The following SENP2 variants were observed in gnomAD, a reference collection of about 807,000 sequenced individuals.
SENP2 encodes the protein sentrin-specific protease 2.
In SENP2, 16 loss-of-function variants were observed where a neutral mutation model predicts 86.3. The observed-to-expected ratio is 0.19, with a 90% CI of 0.13 to 0.28. The LOEUF (loss-of-function observed/expected upper bound fraction) is 0.28. Among genes scored for constraint, SENP2 ranks in the 10% least tolerant of loss-of-function variants. SENP2 has a pLI of 1.00. For synonymous variants in SENP2, 222 were observed against 238.7 expected, an observed-to-expected ratio of 0.93 and a Z score of 0.64; for missense variants, 552 against 703.0, an observed-to-expected ratio of 0.79 and a Z score of 2.43.
chr3:185,616,266 T>C (rs1451684881), intron 11 of SENP2, among the ~76,000 whole-genome samples: 1 of 119,346 alleles, frequency 8.4e-6, no homozygotes, highest in African/African-American at 3.1e-5. Context: ...AAGTCAGGAG[T>C]TCGAGACCAG....
At chr3:185,610,883 G>C (rs9714159) in intron 7 of SENP2, among the ~76,000 whole-genome samples, 6 of 152,124 alleles carry the variant, frequency 3.9e-5, no homozygotes, top group Admixed American at 3.3e-4. Flanking sequence ...GCGTGAACCC[G>C]GGAGGCGGAG....
At chr3:185,621,723 A>C in intron 13 of SENP2, 103 bp from the exon 14 acceptor site, 1 of 639,152 alleles carries the variant, frequency 1.6e-6, no homozygotes, top group Non-Finnish European at 2.7e-6. Flanking sequence ...AAAAATTTAT[A>C]TTGGTACATG....
chr3:185,619,168 T>C (rs1465725252), intron 12 of SENP2, 131 bp from the exon 13 acceptor site: 9 of 668,900 alleles, frequency 1.3e-5, no homozygotes, highest in Non-Finnish European at 2.1e-5. Context: ...TTTCCCTGTC[T>C]TCTACTATAG....
chr3:185,601,041 CTTTTT>C lies in SENP2; in HGVS notation c.449+202_449+206del, dbSNP rs11315344. 6.0e-4 allele frequency among the ~76,000 whole-genome samples: 45 copies of C among 75,522 alleles called. No homozygotes were observed. In the East Asian group the frequency reaches 9.2e-3, roughly 15 times the overall value. 49.5% of individuals were successfully genotyped at this position (75,522 alleles called of 152,430 possible). A position where few individuals can be genotyped will look rare whatever the true frequency, so the allele number is the denominator to read the frequency against. Reference sequence around the variant, plus strand: ...GGTGTGTTATATTTTCTTTTCTTGTCTTTTTTTTTTTTTTTTTTTTGCGATGGAGT... The same window carrying C: ...GGTGTGTTATATTTTCTTTTCTTGTCTTTTTTTTTTTTTTTGCGATGGAGT... On this transcript the variant is annotated intron_variant, in intron 5 of 16. Transcript: ENST00000296257.
chr3:185,629,754 C>T lies in SENP2; in HGVS notation c.1708-28C>T, dbSNP rs201366840. On this transcript the variant is annotated intron_variant, in intron 16 of 16. Transcript: ENST00000296257. ...CTGCCATGCACATTAATATGTAATG[C>T]GGGCGTTGTTTATGGGGTTCTTTGC... 1.8e-4 allele frequency: 289 copies of T among 1,610,244 alleles called. 1 individual carries two copies. The highest frequency in any genetic ancestry group is 1.5e-3 in the African/African-American group (116 of 74,958).
chr3:185,608,533 A>G (rs1392891267), intron 6 of SENP2, among the ~76,000 whole-genome samples: 1 of 152,038 alleles, frequency 6.6e-6, no homozygotes, highest in East Asian at 1.9e-4. Context: ...CCACAAGAAA[A>G]CCTCTCCTGG....
intron 11 of SENP2, among the ~76,000 whole-genome samples, 157 bp from the exon 12 acceptor site, chr3:185,617,323 T>C (rs1474352062): frequency 6.6e-6 from 1 of 151,954 alleles, no homozygotes; most frequent in African/African-American, 2.4e-5. Flanking sequence ...AAGAAAAAAA[T>C]GTTTTCCTAC....
intron 12 of SENP2, among the ~76,000 whole-genome samples, chr3:185,618,970 A>T (rs1200271151): frequency 6.6e-6 from 1 of 152,260 alleles, no homozygotes; most frequent in Non-Finnish European, 1.5e-5. Flanking sequence ...TCTAATTTAT[A>T]TGTAGTAAAA....
intron 11 of SENP2, among the ~76,000 whole-genome samples, chr3:185,615,563 C>G (rs546572095): frequency 6.6e-6 from 1 of 151,988 alleles, no homozygotes; most frequent in African/African-American, 2.4e-5. Context: ...AGGCTGGTCT[C>G]GAACTCCTGA....
At position 185,586,393 on chromosome 3, in the gene SENP2, C is replaced by T; in HGVS notation, c.-21C>T. 1 of 1,613,302 alleles carries T rather than the reference C, an allele frequency of 6.2e-7. No homozygotes were observed. Among genetic ancestry groups the T allele is most frequent in the African/African-American group, 1.3e-5 (1 of 75,058 alleles). ...TTTGCGTCTCGGGGTGTGTCGGCCG[C>T]CGCTGCTGCTTGGGCCTGGTATGTA... On this transcript the variant is annotated 5_prime_UTR_variant, in exon 1 of 17. Transcript: ENST00000296257. This position sits in a 1 kb window ranked among gnomAD's most constrained non-coding sequence, Gnocchi z 4.3.
chr3:185,626,227 A>G, intron 15 of SENP2, 71 bp from the exon 16 acceptor site: 2 of 1,011,296 alleles, frequency 2.0e-6, no homozygotes, highest in South Asian at 1.4e-5. Flanking sequence ...CAATATTTAG[A>G]AAAAGTCCAA....
At chr3:185,617,457 A>T (rs2148992305) in intron 11 of SENP2, 23 bp from the exon 12 acceptor site, 1 of 1,580,854 alleles carries the variant, frequency 6.3e-7, no homozygotes, top group East Asian at 2.3e-5. Flanking sequence ...TTAAAATAGC[A>T]ACTTCTGAAC....
intron 2 of SENP2, among the ~76,000 whole-genome samples, chr3:185,592,785 T>G: frequency 6.6e-6 from 1 of 152,108 alleles, no homozygotes; most frequent in Non-Finnish European, 1.5e-5. Flanking sequence ...CCCGGCTAAT[T>G]TTTGTATTTT....
At chr3:185,625,175 A>G (rs887496877) in intron 15 of SENP2, among the ~76,000 whole-genome samples, 9 of 150,732 alleles carry the variant, frequency 6.0e-5, no homozygotes, top group Non-Finnish European at 7.4e-5. Flanking sequence ...GCAGTGGCGC[A>G]ATCTTGGCTC....
intron 2 of SENP2, 164 bp from the exon 3 acceptor site, chr3:185,598,248 C>G: frequency 1.4e-6 from 1 of 698,782 alleles, no homozygotes; most frequent in South Asian, 1.8e-5. Context: ...TCAAGCAATC[C>G]TCCCACCTCA....
At chr3:185,616,249 G>A (rs1711599575) in intron 11 of SENP2, among the ~76,000 whole-genome samples, 2 of 142,158 alleles carry the variant, frequency 1.4e-5, no homozygotes, top group African/African-American at 5.1e-5. Flanking sequence ...AAGATGGGCG[G>A]ATCATGAAGT....
rs1472962176 is a variant in SENP2 at position 185,627,100 on chromosome 3, A to C, written c.1707+707A>C. On this transcript the variant is annotated intron_variant, in intron 16 of 16. Coordinates refer to ENST00000296257, the MANE Select transcript of SENP2 (RefSeq NM_021627.3). ...CCCTGTCTCAAAAAAAAAAAAAAAA[A>C]AAAAAAATAGTAGTAGCTGTGCTAT... 2.6e-5 allele frequency among the ~76,000 whole-genome samples: 4 copies of C among 151,738 alleles called. No homozygotes were observed. The East Asian group carries it at 7.7e-4, about 29-fold the overall frequency.
chr3:185,593,785 A>G (rs1286032358), intron 2 of SENP2, among the ~76,000 whole-genome samples: 1 of 150,106 alleles, frequency 6.7e-6, no homozygotes, highest in Non-Finnish European at 1.5e-5. Flanking sequence ...CTGCAGTGCA[A>G]TGGTGCGATC....
At chr3:185,626,455 T>C in intron 16 of SENP2, 62 bp downstream of exon 16, 1 of 1,111,822 alleles carries the variant, frequency 9.0e-7, no homozygotes, top group Non-Finnish European at 1.4e-6. Flanking sequence ...ACTTGGCCAG[T>C]GCCTGGCACA....
Sources: allele counts gnomAD v4.1 joint callset (sites outside exome capture counted in the v4.1 genomes callset), GRCh38; gene constraint gnomAD v4.1.1; non-coding constraint Gnocchi (gnomAD v3.1); transcripts MANE v1.5; gene names NCBI Gene and HGNC (gene_info 2026-07-23, HGNC 2026-07-21).